Variants in CDC25A observed in about 807,000 individuals in gnomAD.
CDC25A encodes the protein cell division cycle 25A, also known as M-phase inducer phosphatase 1.
A neutral mutation model predicts 64.6 loss-of-function variants in CDC25A; 17 were observed. The ratio of observed to expected loss-of-function variants is 0.26; its 90% CI spans 0.18 to 0.39. The LOEUF (loss-of-function observed/expected upper bound fraction) is 0.39. Ranked by LOEUF, CDC25A falls within the 10% of genes least tolerant of loss-of-function variation. CDC25A has a pLI of 1.00. For synonymous variants in CDC25A, 229 were observed against 238.6 expected (o/e 0.96, Z 0.37); for missense variants, 473 against 654.8 (o/e 0.72, Z 3.03).
At chr3:48,176,296 T>C (rs2032453093) in intron 8 of CDC25A, among the ~76,000 whole-genome samples, 1 of 152,108 alleles carries the variant, frequency 6.6e-6, no homozygotes, top group Non-Finnish European at 1.5e-5. Context: ...AGGGTGTATA[T>C]CTCTGAACAT....
At position 48,180,732 on chromosome 3, in the gene CDC25A, G is replaced by A. The variant is rs1046395415; in HGVS notation, c.538C>T (p.Pro180Ser). ...GCCAGAGCACATACCATCCGAGCTG[G>A]GGCAGAGTTCTGCCTCTGTGTGAAG... ...DLFTQRQNSA[P>S]ARMLSSNERD... is the part of the protein sequence containing the mutation. The change falls in exon 6 of 15, where the codon CCA becomes TCA. Residue 180 changes from proline to serine, a missense_variant. Physicochemically the swap from Pro to Ser is moderately conservative, Grantham distance 74 (BLOSUM62 -1). Around this residue, in one of 2 missense-constraint regions of CDC25A, gnomAD observed 376 missense variants for 431.9 expected, o/e 0.87. Coordinates refer to ENST00000302506, the MANE Select transcript of CDC25A (RefSeq NM_001789.3). 1.9e-6 allele frequency: 3 copies of A among 1,614,004 alleles called. No individual in the cohort carries two copies. The highest frequency in any genetic ancestry group is 1.7e-6 in the Non-Finnish European group (2 of 1,179,904).
chr3:48,178,442 G>A (rs1462947148), intron 6 of CDC25A, among the ~76,000 whole-genome samples: 1 of 152,138 alleles, frequency 6.6e-6, no homozygotes, highest in African/African-American at 2.4e-5. Context: ...GGGAATAAAG[G>A]GTAACTTCCT....
At position 48,177,113 on chromosome 3, in the gene CDC25A, C is replaced by G. The variant is rs181073732; in HGVS notation, c.756+258G>C. ...ATTCAGGCTAAAGGCTTCAGATAGG[C>G]TTTTTTCAAACTGACTAGATGGTAA... On this transcript the variant is annotated intron_variant, in intron 8 of 14. Coordinates refer to ENST00000302506, the MANE Select transcript of CDC25A (RefSeq NM_001789.3). Among the ~76,000 whole-genome samples the G allele has an allele frequency of 2.0e-3, 300 of 152,202 alleles. 3 individuals are homozygous for G. Among genetic ancestry groups the G allele is most frequent in the African/African-American group, 6.7e-3 (278 of 41,514 alleles).
intron 5 of CDC25A, among the ~76,000 whole-genome samples, chr3:48,182,606 T>C (rs1247675560): frequency 2.0e-5 from 3 of 152,196 alleles, no homozygotes; most frequent in Non-Finnish European, 2.9e-5. Flanking sequence ...GTACATGTAA[T>C]TACTCCTGTG....
At chr3:48,164,496 A>G (rs938014597) in intron 12 of CDC25A, 59 bp from the exon 13 acceptor site, 26 of 1,409,872 alleles carry the variant, frequency 1.8e-5, no homozygotes, top group Middle Eastern at 3.7e-4. Context: ...GTAATGATTC[A>G]GCAAGATGTA....
chr3:48,158,088 CCTGA>C lies in CDC25A; in HGVS notation c.*853_*856del, dbSNP rs2031593817. On this transcript the variant is annotated 3_prime_UTR_variant, in exon 15 of 15. Coordinates refer to ENST00000302506, the MANE Select transcript of CDC25A (RefSeq NM_001789.3). ...CAACAGATGCTGCCTCAAGTGCTTT[CCTGA>C]CTGTGGCTCCTATACCAGCCAATGT... 1 of 150,668 alleles carries C rather than the reference CCTGA, an allele frequency of 6.6e-6. No homozygotes were observed. Among genetic ancestry groups the C allele is most frequent in the African/African-American group, 2.4e-5 (1 of 40,998 alleles). The allele number at this position is 150,668 out of a possible 1,614,324, so 9.3% of individuals were successfully genotyped here. A position where few individuals can be genotyped will look rare whatever the true frequency, so the allele number is the denominator to read the frequency against.
intron 2 of CDC25A, among the ~76,000 whole-genome samples, chr3:48,186,010 C>A (rs1374306633): frequency 6.6e-6 from 1 of 152,190 alleles, no homozygotes; most frequent in Admixed American, 6.5e-5. Flanking sequence ...ATAAACTCTG[C>A]AGTAATATGA....
intron 14 of CDC25A, 34 bp downstream of exon 14, chr3:48,159,310 G>A (rs1238254439): frequency 6.8e-7 from 1 of 1,465,708 alleles, no homozygotes; most frequent in Admixed American, 1.7e-5. Flanking sequence ...TGGGGGCAGG[G>A]GAGGAGAGAT....
rs2032522544 is a variant in CDC25A, at chr3:48,177,887, G to A, written c.651C>T (p.Gly217=). 6.2e-7 allele frequency: 1 copy of A among 1,614,024 alleles called. No individual in the cohort carries two copies. Among genetic ancestry groups the A allele is most frequent in the Non-Finnish European group, 8.5e-7 (1 of 1,179,986 alleles). The change falls in exon 7 of 15, where the codon GGC becomes GGT. Residue 217 remains glycine (G), a synonymous_variant. Transcript: ENST00000302506. ...TCTCTCCATCGAGAAGGTCCACGAA[G>A]CCATCATCCTCATCAGACAAAGTGG... ...VTATLSDEDD[G]FVDLLDGENL... is the part of the protein sequence containing the mutation.
chr3:48,186,837 T>G, intron 1 of CDC25A, 58 bp from the exon 2 acceptor site: 1 of 1,148,578 alleles, frequency 8.7e-7, no homozygotes, highest in Non-Finnish European at 1.3e-6. Context: ...AAAGGTCACA[T>G]GCAGGAGATA....
rs1310769900 is a variant in CDC25A at position 48,158,835 on chromosome 3, C to T, written c.*110G>A. Reference sequence around the variant, plus strand: ...GTTTAAGGCATGGAAGTCCCAGGCCCCCTCTCCAAATGTCACACAGCTGTC... The same window carrying T: ...GTTTAAGGCATGGAAGTCCCAGGCCTCCTCTCCAAATGTCACACAGCTGTC... On this transcript the variant is annotated 3_prime_UTR_variant, in exon 15 of 15. Transcript: ENST00000302506. 4 of 1,350,810 alleles carry T rather than the reference C, an allele frequency of 3.0e-6. No homozygotes were observed. The highest frequency in any genetic ancestry group is 2.3e-5 in the East Asian group (1 of 43,328). The allele number at this position is 1,350,810 out of a possible 1,614,324, so 83.7% of individuals were successfully genotyped here. A position where few individuals can be genotyped will look rare whatever the true frequency, so the allele number is the denominator to read the frequency against.
In CDC25A at chr3:48,177,358, T is replaced by C. The variant is rs2032502168; in HGVS notation, c.756+13A>G. 17 of 1,608,972 alleles carry C rather than the reference T, an allele frequency of 1.1e-5. No individual in the cohort carries two copies. The highest frequency in any genetic ancestry group is 1.4e-5 in the Non-Finnish European group (16 of 1,175,290). On this transcript the variant is annotated intron_variant, in intron 8 of 14. Coordinates refer to ENST00000302506, the MANE Select transcript of CDC25A (RefSeq NM_001789.3). ...CACGCAGGGCTTCCTCCAGACACAC[T>C]AGAACAACTCACAAGGTTTGTAGTT...
rs181873199 is a variant in CDC25A, at chr3:48,168,657, G to A, written c.931-713C>T. Among the ~76,000 whole-genome samples the A allele has an allele frequency of 3.7e-3, 526 of 143,502 alleles. 3 individuals carry two copies. Among genetic ancestry groups the A allele is most frequent in the African/African-American group, 0.013 (494 of 38,536 alleles). The allele number at this position is 143,502 out of a possible 152,430, so 94.1% of individuals were successfully genotyped here. A position where few individuals can be genotyped will look rare whatever the true frequency, so the allele number is the denominator to read the frequency against. On this transcript the variant is annotated intron_variant, in intron 9 of 14. Coordinates refer to ENST00000302506, the MANE Select transcript of CDC25A (RefSeq NM_001789.3). ...TTTTTTTTTAAAAAGACAGAGTCTCGCTCTGTCGCTCAGGCTGGAGTGCAG... is the reference window on the plus strand; with the variant it reads ...TTTTTTTTTAAAAAGACAGAGTCTCACTCTGTCGCTCAGGCTGGAGTGCAG...
Position 48,158,852 on chromosome 3 carries a change from A to G in CDC25A, c.*93T>C. On this transcript the variant is annotated 3_prime_UTR_variant, in exon 15 of 15. Coordinates refer to ENST00000302506, the MANE Select transcript of CDC25A (RefSeq NM_001789.3). ...CCCAGGCCCCCTCTCCAAATGTCAC[A>G]CAGCTGTCCCCTTTGCTTAAGTTTC... The G allele has an allele frequency of 2.8e-6, 4 of 1,444,920 alleles. No individual in the cohort carries two copies. The highest frequency in any genetic ancestry group is 3.8e-6 in the Non-Finnish European group (4 of 1,058,760). The allele number at this position is 1,444,920 out of a possible 1,614,324, so 89.5% of individuals were successfully genotyped here. A position where few individuals can be genotyped will look rare whatever the true frequency, so the allele number is the denominator to read the frequency against.
chr3:48,185,139 C>T (rs1454374363), intron 2 of CDC25A, among the ~76,000 whole-genome samples: 1 of 152,148 alleles, frequency 6.6e-6, no homozygotes. Flanking sequence ...TGACCAGGCA[C>T]AGTGGCTCAC....
intron 12 of CDC25A, among the ~76,000 whole-genome samples, chr3:48,165,107 C>CAAA (rs11370901): frequency 7.9e-4 from 67 of 84,934 alleles, no homozygotes; most frequent in African/African-American, 2.2e-3. Context: ...GACTCTGTCT[C>CAAA]AAAAAAAAAA....
intron 10 of CDC25A, 42 bp downstream of exon 10, chr3:48,167,804 A>C (rs2032087005): frequency 9.3e-7 from 1 of 1,071,326 alleles, no homozygotes; most frequent in Non-Finnish European, 1.5e-6. Flanking sequence ...AAATACCCAC[A>C]CTCCCTCCTA....
chr3:48,171,843 T>A (rs1430058156), intron 9 of CDC25A, among the ~76,000 whole-genome samples: 1 of 152,198 alleles, frequency 6.6e-6, no homozygotes, highest in African/African-American at 2.4e-5. Flanking sequence ...ATTCAATTAT[T>A]TCTAGTATAC....
intron 8 of CDC25A, among the ~76,000 whole-genome samples, chr3:48,175,524 AT>A (rs2032424846): frequency 2.0e-5 from 3 of 152,250 alleles, no homozygotes; most frequent in African/African-American, 7.2e-5. Context: ...AATCTTCCTG[AT>A]AGTCCCCAGT....
Sources: gnomAD v4.1 joint callset for allele counts (sites outside exome capture counted in the v4.1 genomes callset) on GRCh38, gnomAD v4.1.1 for gene constraint, gnomAD v4.1.1 regional missense constraint, MANE v1.5 for transcripts, NCBI Gene and HGNC (gene_info 2026-07-23, HGNC 2026-07-21) for gene names.